FAF2: variants seen among roughly 807,000 people sequenced by gnomAD.
FAF2 encodes the protein Fas associated factor family member 2.
FAF2 carries 9 observed loss-of-function variants against 62.3 expected under a neutral mutation model. The ratio of observed to expected loss-of-function variants is 0.14; its 90% CI spans 0.09 to 0.25. The LOEUF (loss-of-function observed/expected upper bound fraction) is 0.25. Among genes scored for constraint, FAF2 ranks in the 10% least tolerant of loss-of-function variants. The probability of loss-of-function intolerance (pLI) is 1.00; values close to 1 mark genes in which losing one functional copy is unlikely to be tolerated. For missense variants in FAF2, 368 were observed against 556.2 expected, an observed-to-expected ratio of 0.66 and a Z score of 3.40; for synonymous variants, 202 against 198.0, an observed-to-expected ratio of 1.02 and a Z score of -0.17.
At chr5:176,506,503 A>G (rs937063710) in intron 10 of FAF2, among the ~76,000 whole-genome samples, 3 of 152,236 alleles carry the variant, frequency 2.0e-5, no homozygotes, top group Non-Finnish European at 4.4e-5. Context: ...TTAGCATTTT[A>G]TCAGACACCT....
intron 1 of FAF2, among the ~76,000 whole-genome samples, chr5:176,448,852 C>G (rs895465939): frequency 1.3e-5 from 2 of 152,198 alleles, no homozygotes; most frequent in African/African-American, 4.8e-5. Flanking sequence ...CATTTCGGGT[C>G]TCTGACAGGA....
rs1341787254 is a variant in FAF2 at position 176,499,035 on chromosome 5, A to C, written c.961A>C (p.Lys321Gln). The C allele has an allele frequency of 2.5e-6, 4 of 1,611,258 alleles. No homozygotes were observed. In the Admixed American group the frequency reaches 6.7e-5, roughly 27 times the overall value. Residue 321 changes from lysine to glutamine, a missense_variant, in exon 9 of 11, where the codon AAG becomes CAG. This residue lies in a region of FAF2 where 331 missense variants were observed against 441.9 expected (regional missense o/e 0.75). Coordinates refer to ENST00000261942, the MANE Select transcript of FAF2 (RefSeq NM_014613.3). ...GGAGGAGCGGGAGCGTAAGCGGCGG[A>C]AGGAGGAGGAGGTGCAACAGCAAAA... Reference protein sequence around the residue: ...KREERERKRRKEEEVQQQKLA... With the variant: ...KREERERKRRQEEEVQQQKLA...
Position 176,510,050 on chromosome 5 carries a change from T to A in FAF2, c.*3100T>A, listed in dbSNP as rs577630989. ...TTTACATTGTATTGTAGGTTAACAT[T>A]AAATGTTTTATAGCAAAAACTTCAT... On this transcript the variant is annotated 3_prime_UTR_variant, in exon 11 of 11. Transcript: ENST00000261942. 1 of 152,722 alleles carries A rather than the reference T, an allele frequency of 6.5e-6. No individual in the cohort carries two copies. The highest frequency in any genetic ancestry group is 1.5e-5 in the Non-Finnish European group (1 of 68,032). The allele number at this position is 152,722 out of a possible 1,614,324, so 9.5% of individuals were successfully genotyped here.
chr5:176,487,736 G>T (rs78404280), intron 3 of FAF2, among the ~76,000 whole-genome samples: 1 of 152,282 alleles, frequency 6.6e-6, no homozygotes, highest in East Asian at 1.9e-4. Context: ...ATGGGGATTT[G>T]TCATTGTGGT....
At chr5:176,460,513 C>CGTGTGTGTGTGT (rs747582699) in intron 1 of FAF2, among the ~76,000 whole-genome samples, 12 of 132,660 alleles carry the variant, frequency 9.0e-5, no homozygotes, top group South Asian at 2.5e-4. Flanking sequence ...TTTTTGGCCG[C>CGTGTGTGTGTGT]GTGTGTGTGT....
rs533606591 is a variant in FAF2, at chr5:176,507,333, A to C, written c.*383A>C. On this transcript the variant is annotated 3_prime_UTR_variant, in exon 11 of 11. Transcript: ENST00000261942. ...CTTGCTTTTATGAAAAATAAAAGTG[A>C]AAAACCTCCATCAACCAGCTACTTG... 2.2e-6 allele frequency: 1 copy of C among 453,672 alleles called. No individual in the cohort carries two copies. The highest frequency in any genetic ancestry group is 2.4e-5 in the Admixed American group (1 of 42,188). The allele number at this position is 453,672 out of a possible 1,614,324, so 28.1% of individuals were successfully genotyped here.
rs117804123 is a variant in FAF2 at position 176,454,557 on chromosome 5, A to C, written c.63+6087A>C. On this transcript the variant is annotated intron_variant, in intron 1 of 10. Transcript: ENST00000261942. ...CGTGCCACTGCACTCTAACCTGGGC[A>C]ACAGAGCCAGATTCTGTCTGAAAAA... 5.0e-4 allele frequency among the ~76,000 whole-genome samples: 74 copies of C among 146,838 alleles called. No homozygotes were observed. In the East Asian group the frequency reaches 0.012, roughly 25 times the overall value.
chr5:176,507,661 T>G lies in FAF2; in HGVS notation c.*711T>G, dbSNP rs1755708562. 1 of 153,216 alleles carries G rather than the reference T, an allele frequency of 6.5e-6. No homozygotes were observed. The highest frequency in any genetic ancestry group is 2.4e-5 in the African/African-American group (1 of 41,468). The allele number at this position is 153,216 out of a possible 1,614,324, so 9.5% of individuals were successfully genotyped here. On this transcript the variant is annotated 3_prime_UTR_variant, in exon 11 of 11. Transcript: ENST00000261942. The stretch of plus-strand genomic sequence containing the variant: ...TATTTCTGCCATTGTCCCTCTCACG[T>G]TCCCAGAGAGGTCATTCTTTTTGGT...
At chr5:176,483,749 A>G (rs1165585926) in intron 2 of FAF2, among the ~76,000 whole-genome samples, 2 of 152,186 alleles carry the variant, frequency 1.3e-5, no homozygotes, top group Admixed American at 6.6e-5. Flanking sequence ...TATAGGGAAC[A>G]TATAGATTAA....
intron 1 of FAF2, among the ~76,000 whole-genome samples, chr5:176,469,295 A>G (rs1758520031): frequency 6.6e-6 from 1 of 152,152 alleles, no homozygotes; most frequent in Non-Finnish European, 1.5e-5. Flanking sequence ...TGGAGTTCTG[A>G]AGAAATTAGT....
chr5:176,474,399 T>C (rs1247729168), intron 1 of FAF2, among the ~76,000 whole-genome samples: 1 of 152,212 alleles, frequency 6.6e-6, no homozygotes, highest in Non-Finnish European at 1.5e-5. Flanking sequence ...TAAGTGTAGT[T>C]CCTGTTGCCT....
Position 176,486,373 on chromosome 5 carries a change from T to C in FAF2, c.151T>C (p.Leu51=), listed in dbSNP as rs1251833694. 9 of 1,614,064 alleles carry C rather than the reference T, an allele frequency of 5.6e-6. No homozygotes were observed. Among genetic ancestry groups the C allele is most frequent in the South Asian group, 2.2e-5 (2 of 91,086 alleles). The change falls in exon 3 of 11, where the codon TTG becomes CTG. Residue 51 remains leucine, a synonymous_variant. Coordinates refer to ENST00000261942, the MANE Select transcript of FAF2 (RefSeq NM_014613.3). Reference sequence around the variant, plus strand: ...TTCTCAGGCTGCTGTACAGGACAGATTGAATGAGCAAGAGGGCGTACCTAG... The same window carrying C: ...TTCTCAGGCTGCTGTACAGGACAGACTGAATGAGCAAGAGGGCGTACCTAG... ...WNIEAAVQDR[L]NEQEGVPSVF...
At chr5:176,473,034 T>G (rs1758601649) in intron 1 of FAF2, among the ~76,000 whole-genome samples, 1 of 152,248 alleles carries the variant, frequency 6.6e-6, no homozygotes, top group South Asian at 2.1e-4. Context: ...ATGTTTCTTA[T>G]TAACACCTTG....
intron 2 of FAF2, among the ~76,000 whole-genome samples, chr5:176,482,993 G>A (rs913309439): frequency 2.0e-5 from 3 of 152,032 alleles, no homozygotes; most frequent in African/African-American, 4.8e-5. Context: ...GCCTCCCAAA[G>A]TGCTGGGATT....
rs943635676 is a variant in FAF2 at position 176,453,545 on chromosome 5, A to G, written c.63+5075A>G. 2.6e-5 allele frequency: 4 copies of G among 152,120 alleles called. No homozygotes were observed. In the East Asian group the frequency reaches 7.7e-4, roughly 29 times the overall value. The allele number at this position is 152,120 out of a possible 1,614,324, so 9.4% of individuals were successfully genotyped here. A position where few individuals can be genotyped will look rare whatever the true frequency, so the allele number is the denominator to read the frequency against. On this transcript the variant is annotated intron_variant, in intron 1 of 10. Coordinates refer to ENST00000261942, the MANE Select transcript of FAF2 (RefSeq NM_014613.3). ...TTGGCTTCACCTGACTATATTACCT[A>G]AAGGAAAAAAAAACACATGGTGCTT...
intron 10 of FAF2, among the ~76,000 whole-genome samples, chr5:176,503,140 T>C (rs960710272): frequency 1.3e-5 from 2 of 152,190 alleles, no homozygotes; most frequent in African/African-American, 4.8e-5. Context: ...TAAATGGGTC[T>C]TAGAGATGGA....
intron 1 of FAF2, among the ~76,000 whole-genome samples, chr5:176,465,366 CTTTTTT>C (rs70991554): frequency 8.6e-6 from 1 of 115,726 alleles, no homozygotes. Context: ...CTTTTTCTTT[CTTTTTT>C]TTTTTTTTTT....
chr5:176,506,006 C>T (rs536312452), intron 10 of FAF2, among the ~76,000 whole-genome samples: 7 of 151,932 alleles, frequency 4.6e-5, no homozygotes, highest in East Asian at 1.9e-4. Context: ...CTGGCTAACA[C>T]GGTGAAACCC....
chr5:176,468,428 C>CA (rs1758508481), intron 1 of FAF2, among the ~76,000 whole-genome samples: 1 of 151,708 alleles, frequency 6.6e-6, no homozygotes, highest in African/African-American at 2.4e-5. Flanking sequence ...ACTAAAAATA[C>CA]AAAAAATTAG....
Sources: gnomAD v4.1 joint callset for allele counts (sites outside exome capture counted in the v4.1 genomes callset) on GRCh38, gnomAD v4.1.1 for gene constraint, gnomAD v4.1.1 regional missense constraint, MANE v1.5 for transcripts, NCBI Gene and HGNC (gene_info 2026-07-23, HGNC 2026-07-21) for gene names.